The following TPTE variants were observed in gnomAD, a reference collection of about 807,000 sequenced individuals.
TPTE encodes transmembrane phosphatase with tensin homology.
In TPTE, 59 loss-of-function variants were observed where a neutral mutation model predicts 84.1. That is an observed-to-expected ratio of 0.70 (90% CI 0.57 to 0.87). The LOEUF is 0.87. Among genes scored for constraint, TPTE ranks in the 40% least tolerant of loss-of-function variants. The pLI, the probability that TPTE is intolerant of heterozygous loss-of-function variation, is 0.00. For synonymous variants in TPTE, 130 were observed against 223.5 expected, an observed-to-expected ratio of 0.58 and a Z score of 3.73; for missense variants, 382 against 659.6, an observed-to-expected ratio of 0.58 and a Z score of 4.61.
chr21:10,540,048 C>A (rs1392743977), intron 4 of TPTE, among the ~76,000 whole-genome samples: 7 of 152,402 alleles, frequency 4.6e-5, no homozygotes, highest in South Asian at 2.1e-4. Context: ...AAACAAAAAA[C>A]CAAAACAAAA....
chr21:10,525,075 AAGC>A (rs2074054820), intron 2 of TPTE, among the ~76,000 whole-genome samples: 1 of 152,308 alleles, frequency 6.6e-6, no homozygotes, highest in African/African-American at 2.4e-5. Flanking sequence ...CAAGGATGGT[AAGC>A]TAGTGTTCAG....
chr21:10,526,685 G>T (rs1209230262), intron 2 of TPTE, among the ~76,000 whole-genome samples: 1 of 152,312 alleles, frequency 6.6e-6, no homozygotes, highest in Admixed American at 6.5e-5. Flanking sequence ...CTAAAAATGT[G>T]TATCCGTTTA....
At chr21:10,529,183 C>CAA (rs3049947) in intron 3 of TPTE, among the ~76,000 whole-genome samples, 560 of 143,942 alleles carry the variant, frequency 3.9e-3, no homozygotes, top group South Asian at 8.2e-3. Context: ...AACTCTGTCT[C>CAA]AAAAAAAAAA....
At chr21:10,532,029 T>G (rs1225724262) in intron 3 of TPTE, among the ~76,000 whole-genome samples, 13 of 152,284 alleles carry the variant, frequency 8.5e-5, no homozygotes, top group African/African-American at 2.9e-4. Flanking sequence ...TCCCTACACC[T>G]TTTTTTATTA....
At chr21:10,580,512 G>C (rs557579308) in intron 17 of TPTE, among the ~76,000 whole-genome samples, 74 of 152,040 alleles carry the variant, frequency 4.9e-4, no homozygotes, top group African/African-American at 1.6e-3. Flanking sequence ...CATTTACTTT[G>C]AGTTGATTTT....
At chr21:10,521,951 GCTC>G (rs1157676532) in intron 1 of TPTE, among the ~76,000 whole-genome samples, 5 of 127,408 alleles carry the variant, frequency 3.9e-5, no homozygotes, top group East Asian at 2.7e-4. Flanking sequence ...CTCCGCGCCC[GCTC>G]CTCCTCATTC....
chr21:10,543,155 G>A (rs1344927034), intron 6 of TPTE, among the ~76,000 whole-genome samples, 174 bp from the exon 7 acceptor site: 2 of 137,800 alleles, frequency 1.5e-5, no homozygotes, highest in East Asian at 2.2e-4. Flanking sequence ...TCAGCCTCCC[G>A]AGTAGCTGGG....
At chr21:10,524,015 C>T (rs1175558193) in intron 1 of TPTE, among the ~76,000 whole-genome samples, 1 of 152,308 alleles carries the variant, frequency 6.6e-6, no homozygotes, top group Non-Finnish European at 1.5e-5. Flanking sequence ...GTTTTTAAGT[C>T]TGTGCAGTCT....
At chr21:10,552,099 C>T (rs1281814966) in intron 7 of TPTE, among the ~76,000 whole-genome samples, 1 of 152,306 alleles carries the variant, frequency 6.6e-6, no homozygotes, top group East Asian at 1.9e-4. Context: ...GAGGCAACGC[C>T]CTCCACCAGC....
intron 8 of TPTE, among the ~76,000 whole-genome samples, chr21:10,553,003 A>G (rs1267714787): frequency 6.6e-6 from 1 of 152,312 alleles, no homozygotes; most frequent in African/African-American, 2.4e-5. Context: ...AAAAAACAGG[A>G]ATGCAGAATG....
chr21:10,560,825 TTTA>T (rs1274896907), intron 9 of TPTE, among the ~76,000 whole-genome samples: 1 of 152,308 alleles, frequency 6.6e-6, no homozygotes, highest in African/African-American at 2.4e-5. Context: ...GAGAATTTTG[TTTA>T]TTAAGAACTG....
chr21:10,529,022 A>G lies in TPTE; in HGVS notation c.-44+1610A>G, dbSNP rs1443542105. Among the ~76,000 whole-genome samples the G allele has an allele frequency of 5.3e-5, 8 of 152,322 alleles. No homozygotes were observed. In the East Asian group the frequency reaches 7.7e-4, roughly 15 times the overall value. The stretch of plus-strand genomic sequence containing the variant: ...CATATGGTAAAACCGCGTCTCTACT[A>G]AAAATACAAAAATTAGCTGGGCATG... On this transcript the variant is annotated intron_variant, in intron 3 of 23. Coordinates refer to ENST00000618007, the MANE Select transcript of TPTE (RefSeq NM_199261.4).
intron 23 of TPTE, among the ~76,000 whole-genome samples, chr21:10,604,250 C>CT (rs1978988450): frequency 1.3e-5 from 2 of 152,308 alleles, no homozygotes; most frequent in African/African-American, 4.8e-5. Context: ...AACCTTCTGC[C>CT]ATATTTGGAA....
At chr21:10,538,637 G>T (rs2074310558) in intron 3 of TPTE, 44 bp from the exon 4 acceptor site, 1 of 1,613,362 alleles carries the variant, frequency 6.2e-7, no homozygotes, top group Admixed American at 1.7e-5. Flanking sequence ...AGTAAATTTT[G>T]AATTGTGTCT....
intron 3 of TPTE, among the ~76,000 whole-genome samples, chr21:10,534,654 A>T (rs1161279444): frequency 6.6e-6 from 1 of 152,308 alleles, no homozygotes. Context: ...CCTATAATGG[A>T]GCCATCAGTG....
At chr21:10,558,060 G>T (rs1444658658) in intron 8 of TPTE, among the ~76,000 whole-genome samples, 1 of 152,306 alleles carries the variant, frequency 6.6e-6, no homozygotes, top group African/African-American at 2.4e-5. Context: ...CGGCTCCATT[G>T]ATGTTCCCAC....
At chr21:10,591,632 G>A (rs2075478609) in intron 18 of TPTE, among the ~76,000 whole-genome samples, 1 of 152,308 alleles carries the variant, frequency 6.6e-6, no homozygotes, top group African/African-American at 2.4e-5. Context: ...TTGATCCAGA[G>A]CCCTAGACTG....
intron 2 of TPTE, among the ~76,000 whole-genome samples, chr21:10,525,465 A>T (rs1402230622): frequency 6.6e-6 from 1 of 152,430 alleles, no homozygotes; most frequent in Admixed American, 6.5e-5. Context: ...TCATGCTTGG[A>T]GTACCTAAAG....
intron 2 of TPTE, among the ~76,000 whole-genome samples, chr21:10,525,161 ATTG>A (rs2074056447): frequency 6.6e-6 from 1 of 152,310 alleles, no homozygotes; most frequent in Non-Finnish European, 1.5e-5. Flanking sequence ...CACCTGAAAC[ATTG>A]TTAATTATTA....
Sources: allele counts gnomAD v4.1 joint callset (sites outside exome capture counted in the v4.1 genomes callset), GRCh38; gene constraint gnomAD v4.1.1; transcripts MANE v1.5; gene names NCBI Gene and HGNC (gene_info 2026-07-23, HGNC 2026-07-21).